MAML3: variants seen among roughly 807,000 people sequenced by gnomAD.
MAML3 encodes the protein mastermind like transcriptional coactivator 3.
MAML3 carries 27 observed loss-of-function variants against 101.9 expected under a neutral mutation model. That is an observed-to-expected ratio of 0.27 (90% CI 0.20 to 0.37). MAML3 has a LOEUF of 0.37. Among genes scored for constraint, MAML3 ranks in the 10% least tolerant of loss-of-function variants. The pLI, the probability that MAML3 is intolerant of heterozygous loss-of-function variation, is 1.00. For synonymous variants in MAML3, 501 were observed against 555.9 expected, an observed-to-expected ratio of 0.90 and a Z score of 1.39; for missense variants, 1,316 against 1,444.9, an observed-to-expected ratio of 0.91 and a Z score of 1.45.
At chr4:140,108,016 C>T (rs1423423080) in intron 1 of MAML3, among the ~76,000 whole-genome samples, 1 of 151,948 alleles carries the variant, frequency 6.6e-6, no homozygotes, top group Non-Finnish European at 1.5e-5. Context: ...AAGGAAATAA[C>T]CACAACCATC....
chr4:139,806,358 A>T (rs542106230), intron 2 of MAML3, among the ~76,000 whole-genome samples: 273 of 152,304 alleles, frequency 1.8e-3, no homozygotes, highest in Non-Finnish European at 2.9e-3. Context: ...TTTAGCCAAT[A>T]ATTCTTAACA....
At position 139,798,087 on chromosome 4, in the gene MAML3, A is replaced by C. The variant is rs1325144388; in HGVS notation, c.2080-67420T>G. Among the ~76,000 whole-genome samples the C allele has an allele frequency of 1.1e-4, 15 of 137,742 alleles. No homozygotes were observed. In the East Asian group the frequency reaches 3.4e-3, roughly 31 times the overall value. The allele number at this position is 137,742 out of a possible 152,430, so 90.4% of individuals were successfully genotyped here. A position where few individuals can be genotyped will look rare whatever the true frequency, so the allele number is the denominator to read the frequency against. On this transcript the variant is annotated intron_variant, in intron 2 of 4. Transcript: ENST00000509479. ...AAGAAAGAAAGAAAGAAAGAAAGAA[A>C]GAAAGAAAAGGGATTAAGAAAGCAT...
chr4:140,120,774 G>A (rs1214268021), intron 1 of MAML3, among the ~76,000 whole-genome samples: 2 of 152,106 alleles, frequency 1.3e-5, no homozygotes, highest in Non-Finnish European at 2.9e-5. Flanking sequence ...CAAACAGATA[G>A]GGAAAAGGTG....
At chr4:140,057,937 G>A (rs976435738) in intron 1 of MAML3, among the ~76,000 whole-genome samples, 8 of 144,114 alleles carry the variant, frequency 5.6e-5, no homozygotes, top group South Asian at 2.3e-4. Flanking sequence ...GGCCCCCACC[G>A]CCACCACCAC....
At chr4:139,748,803 AAAG>A (rs1729404820) in intron 2 of MAML3, among the ~76,000 whole-genome samples, 1 of 152,240 alleles carries the variant, frequency 6.6e-6, no homozygotes, top group Non-Finnish European at 1.5e-5. Flanking sequence ...GGGAAAAGTG[AAAG>A]AAGGTCTCAG....
At chr4:139,748,400 G>C (rs1729392482) in intron 2 of MAML3, among the ~76,000 whole-genome samples, 1 of 152,196 alleles carries the variant, frequency 6.6e-6, no homozygotes. Context: ...GGAGGGTCTA[G>C]AAATGGAAAG....
At chr4:139,859,825 ATG>A (rs747174521) in intron 2 of MAML3, among the ~76,000 whole-genome samples, 2 of 152,236 alleles carry the variant, frequency 1.3e-5, no homozygotes, top group African/African-American at 2.4e-5. Context: ...CTCTTAAATA[ATG>A]TGTTAGCTCA....
At chr4:139,998,066 T>C (rs1368268099) in intron 1 of MAML3, among the ~76,000 whole-genome samples, 1 of 152,198 alleles carries the variant, frequency 6.6e-6, no homozygotes, top group Non-Finnish European at 1.5e-5. Flanking sequence ...AGTGTTTGAC[T>C]ATATTTCTTC....
At chr4:139,947,491 A>G in intron 1 of MAML3, among the ~76,000 whole-genome samples, 1 of 152,092 alleles carries the variant, frequency 6.6e-6, no homozygotes, top group East Asian at 1.9e-4. Context: ...AAAAATTACA[A>G]TTTTCTAGCA....
At chr4:139,847,007 C>T (rs1052693208) in intron 2 of MAML3, among the ~76,000 whole-genome samples, 11 of 152,106 alleles carry the variant, frequency 7.2e-5, no homozygotes, top group African/African-American at 1.7e-4. Flanking sequence ...TAGGATTTTC[C>T]GAATCTATGA....
intron 2 of MAML3, among the ~76,000 whole-genome samples, chr4:139,878,529 A>T (rs1732157516): frequency 6.6e-6 from 1 of 152,026 alleles, no homozygotes; most frequent in African/African-American, 2.4e-5. Flanking sequence ...CCTGTGTCGA[A>T]CCCTTAGGCT....
chr4:140,028,534 C>T (rs1037838438), intron 1 of MAML3, among the ~76,000 whole-genome samples: 6 of 152,024 alleles, frequency 3.9e-5, no homozygotes, highest in African/African-American at 1.4e-4. Flanking sequence ...TTATTATTTC[C>T]ATTAACACTG....
chr4:139,940,052 C>T (rs1288011530), intron 1 of MAML3, among the ~76,000 whole-genome samples: 1 of 152,144 alleles, frequency 6.6e-6, no homozygotes, highest in Non-Finnish European at 1.5e-5. Context: ...GAATGAGCCA[C>T]CGCGTCCAGC....
In MAML3 at chr4:139,872,022, G is replaced by T. The variant is rs528952267; in HGVS notation, c.2079+17335C>A. Among the ~76,000 whole-genome samples the T allele has an allele frequency of 2.0e-5, 3 of 152,298 alleles. No homozygotes were observed. The East Asian group carries it at 5.8e-4, about 29-fold the overall frequency. ...AAACGTGTTTACAATACTAGGAAGT[G>T]AACAGCAGGCACTAATTTTTTGTAG... On this transcript the variant is annotated intron_variant, in intron 2 of 4. Coordinates refer to ENST00000509479, the MANE Select transcript of MAML3 (RefSeq NM_018717.5).
At chr4:139,834,223 C>T (rs1731220317) in intron 2 of MAML3, among the ~76,000 whole-genome samples, 1 of 152,246 alleles carries the variant, frequency 6.6e-6, no homozygotes, top group Non-Finnish European at 1.5e-5. Flanking sequence ...TCACACACTT[C>T]TGTTGGAATC....
intron 1 of MAML3, among the ~76,000 whole-genome samples, chr4:140,099,994 T>A (rs1728228984): frequency 6.6e-6 from 1 of 152,116 alleles, no homozygotes; most frequent in Admixed American, 6.6e-5. Context: ...AGTCCACGTG[T>A]CCCCAACCCA....
Position 140,149,939 on chromosome 4 carries a change from CTTTTTTTT to C in MAML3, c.468+2913_468+2920del, listed in dbSNP as rs3051828. On this transcript the variant is annotated intron_variant, in intron 1 of 4. Transcript: ENST00000509479. ...TATAACTTGTAGAGCATGTTTCTTT[CTTTTTTTT>C]TTTTTTTTTTGGTACACAGAATTTA... 5.4e-3 allele frequency among the ~76,000 whole-genome samples: 704 copies of C among 129,864 alleles called. 9 individuals are homozygous for C. Among genetic ancestry groups the C allele is most frequent in the Admixed American group, 5.4e-3 (68 of 12,478 alleles). The allele number at this position is 129,864 out of a possible 152,430, so 85.2% of individuals were successfully genotyped here. A position where few individuals can be genotyped will look rare whatever the true frequency, so the allele number is the denominator to read the frequency against.
intron 2 of MAML3, among the ~76,000 whole-genome samples, chr4:139,858,452 C>CTTT (rs59968954): frequency 7.6e-6 from 1 of 131,384 alleles, no homozygotes; most frequent in Non-Finnish European, 1.6e-5. Flanking sequence ...TGATTCTTGG[C>CTTT]TTTTTTTTTT....
At chr4:140,047,286 T>A (rs1334298232) in intron 1 of MAML3, among the ~76,000 whole-genome samples, 1 of 152,048 alleles carries the variant, frequency 6.6e-6, no homozygotes, top group African/African-American at 2.4e-5. Context: ...ACTGAGGGAC[T>A]TAGAGGGATT....
Sources: allele counts gnomAD v4.1 joint callset (sites outside exome capture counted in the v4.1 genomes callset), GRCh38; gene constraint gnomAD v4.1.1; transcripts MANE v1.5; gene names NCBI Gene and HGNC (gene_info 2026-07-23, HGNC 2026-07-21).